GSTA3: variants seen among roughly 807,000 people sequenced by gnomAD.
GSTA3 encodes glutathione S-transferase A3.
In GSTA3, 16 loss-of-function variants were observed where a neutral mutation model predicts 23.1. The ratio of observed to expected loss-of-function variants is 0.69; its 90% confidence interval spans 0.47 to 1.05. The LOEUF (loss-of-function observed/expected upper bound fraction) is 1.05, where lower values mean the gene tolerates loss of function less well. Among genes scored for constraint, GSTA3 ranks in the 50% least tolerant of loss-of-function variants. The probability of loss-of-function intolerance (pLI) is 0.00; values close to 1 mark genes in which losing one functional copy is unlikely to be tolerated. For missense variants in GSTA3, 319 were observed against 263.6 expected (o/e 1.21, Z -1.46); for synonymous variants, 122 against 91.0 (o/e 1.34, Z -1.94).
chr6:52,905,227 G>A (rs1042606281), intron 2 of GSTA3, among the ~76,000 whole-genome samples: 2 of 152,102 alleles, frequency 1.3e-5, no homozygotes, highest in African/African-American at 4.8e-5. Flanking sequence ...ACCCAAGCCT[G>A]TCTTTCATTT....
Position 52,897,935 on chromosome 6 carries a change from C to T in GSTA3, c.436G>A (p.Asp146Asn). ...FEKVLQSHGQDYLVGNKLSRA... is the reference protein window; with the variant it reads ...FEKVLQSHGQNYLVGNKLSRA... Reference sequence around the variant, plus strand: ...CTCAGCTTGTTGCCAACAAGGTAGTCTTGTCCATGGCTCTGTAACACCTGG... The same window carrying T: ...CTCAGCTTGTTGCCAACAAGGTAGTTTTGTCCATGGCTCTGTAACACCTGG... Residue 146 changes from aspartate to asparagine, a missense_variant, in exon 6 of 7, where the codon GAC becomes AAC. Asp to Asn is a conservative substitution (Grantham distance 23). Coordinates refer to ENST00000211122, the MANE Select transcript of GSTA3 (RefSeq NM_000847.5). 3.7e-6 allele frequency: 6 copies of T among 1,613,994 alleles called. No homozygotes were observed. The highest frequency in any genetic ancestry group is 5.1e-6 in the Non-Finnish European group (6 of 1,179,898).
At chr6:52,906,881 A>T (rs6923503) in intron 1 of GSTA3, among the ~76,000 whole-genome samples, 11,924 of 151,158 alleles carry the variant, frequency 0.079, 1,113 homozygotes, top group East Asian at 0.34. Context: ...CCTAGGCAAT[A>T]CCACTCAGGA....
chr6:52,899,992 G>A lies in GSTA3; in HGVS notation c.356C>T (p.Ala119Val), dbSNP rs768555675. Reference protein sequence around the residue: ...LPLCRPEEKDAKIALIKEKTK... With the variant: ...LPLCRPEEKDVKIALIKEKTK... ...TTTCTCTTTGATCAAGGCAATCTTGGCATCTTTTTCCTCAGGTCGACATAA... is the reference window on the plus strand; with the variant it reads ...TTTCTCTTTGATCAAGGCAATCTTGACATCTTTTTCCTCAGGTCGACATAA... The change falls in exon 5 of 7, where the codon GCC becomes GTC. Residue 119 changes from alanine to valine, a missense_variant. Ala to Val is a moderately conservative substitution (Grantham distance 64). Transcript: ENST00000211122. The A allele has an allele frequency of 6.2e-7, 1 of 1,613,810 alleles. No homozygotes were observed. Among genetic ancestry groups the A allele is most frequent in the East Asian group, 2.2e-5 (1 of 44,848 alleles).
rs189576737 is a variant in GSTA3 at position 52,899,362 on chromosome 6, G to A, written c.414+572C>T. Among the ~76,000 whole-genome samples, 12 of 152,212 alleles carry A rather than the reference G, an allele frequency of 7.9e-5. No individual in the cohort carries two copies. The East Asian group carries it at 2.1e-3, about 27-fold the overall frequency. ...ATATCGGCTCTGACTCCTAACCTGC[G>A]CTGTTATAATCTGCAAGCTGAAGTG... is the stretch of plus-strand genomic sequence containing the variant. On this transcript the variant is annotated intron_variant, in intron 5 of 6. Transcript: ENST00000211122.
intron 2 of GSTA3, 88 bp from the exon 3 acceptor site, chr6:52,903,815 T>C: frequency 2.6e-6 from 2 of 754,938 alleles, no homozygotes; most frequent in South Asian, 3.1e-5. Flanking sequence ...ATCTGGTACA[T>C]AATTTGGAGA....
intron 3 of GSTA3, among the ~76,000 whole-genome samples, chr6:52,903,186 T>A (rs991833883): frequency 6.6e-6 from 1 of 152,034 alleles, no homozygotes; most frequent in Admixed American, 6.6e-5. Flanking sequence ...CTGGAGATAG[T>A]TGCCAGACCT....
chr6:52,906,354 C>T (rs541059986), intron 1 of GSTA3, among the ~76,000 whole-genome samples: 1 of 152,318 alleles, frequency 6.6e-6, no homozygotes. Context: ...GGTCTTCTGA[C>T]ATTCAGACTA....
chr6:52,897,716 A>G, intron 6 of GSTA3, 109 bp downstream of exon 6: 1 of 1,225,588 alleles, frequency 8.2e-7, no homozygotes, highest in Non-Finnish European at 1.2e-6. Context: ...GGGGTACTGA[A>G]GGCCTGAAAA....
intron 6 of GSTA3, among the ~76,000 whole-genome samples, 179 bp downstream of exon 6, chr6:52,897,646 C>T (rs1765501731): frequency 6.6e-6 from 1 of 152,032 alleles, no homozygotes; most frequent in Non-Finnish European, 1.5e-5. Flanking sequence ...ATTTCCTTTC[C>T]AGAACAAGAG....
intron 2 of GSTA3, 140 bp from the exon 3 acceptor site, chr6:52,903,867 G>C (rs1765790067): frequency 1.6e-6 from 1 of 609,686 alleles, no homozygotes; most frequent in Non-Finnish European, 2.9e-6. Context: ...AGAAGAAGCT[G>C]GTCATGGCCG....
rs746316447 is a variant in GSTA3, at chr6:52,905,854, C to T, written c.-20G>A. 16 of 1,462,212 alleles carry T rather than the reference C, an allele frequency of 1.1e-5. No individual in the cohort carries two copies. Among genetic ancestry groups the T allele is most frequent in the Non-Finnish European group, 1.5e-5 (16 of 1,049,402 alleles). 90.6% of individuals were successfully genotyped at this position (1,462,212 alleles called of 1,614,324 possible). The stretch of plus-strand genomic sequence containing the variant: ...TGCCATGGTAACAGTCTCTTGGTTT[C>T]TCTAAAATGAATGAATGAATGCATG... On this transcript the variant is annotated splice_region_variant and 5_prime_UTR_variant, in exon 2 of 7. Coordinates refer to ENST00000211122, the MANE Select transcript of GSTA3 (RefSeq NM_000847.5).
In GSTA3 at chr6:52,900,205, C is replaced by G. The variant is rs45608634; in HGVS notation, c.273-130G>C. The G allele has an allele frequency of 1.1e-3, 670 of 628,186 alleles. 5 individuals are homozygous for G. In the East Asian group the frequency reaches 0.014, roughly 13 times the overall value. The allele number at this position is 628,186 out of a possible 1,614,324, so 38.9% of individuals were successfully genotyped here. A position where few individuals can be genotyped will look rare whatever the true frequency, so the allele number is the denominator to read the frequency against. Reference sequence around the variant, plus strand: ...ATCTCCATTGGGTGCCTTTTATATTCTAGTCATTATGCTCTGATTTTTGCA... The same window carrying G: ...ATCTCCATTGGGTGCCTTTTATATTGTAGTCATTATGCTCTGATTTTTGCA... On this transcript the variant is annotated intron_variant, in intron 4 of 6. Transcript: ENST00000211122.
At chr6:52,908,744 C>T (rs528378062) in intron 1 of GSTA3, among the ~76,000 whole-genome samples, 1 of 152,158 alleles carries the variant, frequency 6.6e-6, no homozygotes, top group African/African-American at 2.4e-5. Flanking sequence ...AAAGAACTTG[C>T]ATATAGAAGG....
At chr6:52,899,802 G>C in intron 5 of GSTA3, 132 bp downstream of exon 5, 1 of 826,540 alleles carries the variant, frequency 1.2e-6, no homozygotes, top group Admixed American at 2.3e-5. Flanking sequence ...AATGCCTTGA[G>C]AGTCAGAGAG....
intron 5 of GSTA3, 65 bp downstream of exon 5, chr6:52,899,869 C>T: frequency 1.3e-6 from 2 of 1,498,746 alleles, no homozygotes; most frequent in Non-Finnish European, 1.9e-6. Flanking sequence ...CCAGGAATGC[C>T]CAGCCACTAT....
At chr6:52,897,047 G>T in intron 6 of GSTA3, 119 bp from the exon 7 acceptor site, 3 of 1,378,654 alleles carry the variant, frequency 2.2e-6, no homozygotes, top group Non-Finnish European at 3.0e-6. Context: ...ATCAGCACCA[G>T]CATGGAGGCA....
At chr6:52,904,065 C>G (rs181833253) in intron 2 of GSTA3, among the ~76,000 whole-genome samples, 1 of 152,222 alleles carries the variant, frequency 6.6e-6, no homozygotes, top group East Asian at 1.9e-4. Context: ...TGGCTCATTG[C>G]AGCCTTGATC....
chr6:52,903,358 C>T (rs555205896), intron 3 of GSTA3, among the ~76,000 whole-genome samples: 13 of 149,920 alleles, frequency 8.7e-5, no homozygotes, highest in South Asian at 2.1e-4. Context: ...GAGGCCGAGG[C>T]GGGCGGATCA....
At chr6:52,902,579 A>C (rs1257043393) in intron 3 of GSTA3, 101 bp from the exon 4 acceptor site, 1 of 1,239,658 alleles carries the variant, frequency 8.1e-7, no homozygotes, top group African/African-American at 1.5e-5. Context: ...TAAAATGAAA[A>C]AGAAATTATT....
Sources: allele counts gnomAD v4.1 joint callset (sites outside exome capture counted in the v4.1 genomes callset), GRCh38; gene constraint gnomAD v4.1.1; transcripts MANE v1.5; gene names NCBI Gene and HGNC (gene_info 2026-07-23, HGNC 2026-07-21).